Variants in LIN28B observed in about 807,000 individuals in gnomAD.
The protein encoded by LIN28B is lin-28 RNA binding posttranscriptional regulator B.
Under a neutral mutation model 21.9 loss-of-function variants are expected in LIN28B, and 5 were observed. The observed-to-expected ratio is 0.23, with a 90% CI of 0.12 to 0.48. The LOEUF is 0.48. LIN28B is among the 20% of genes least tolerant of loss of function. The pLI, the probability that LIN28B is intolerant of heterozygous loss-of-function variation, is 0.98. For missense variants in LIN28B, 245 were observed against 310.5 expected (o/e 0.79, Z 1.58); for synonymous variants, 109 against 111.3 (o/e 0.98, Z 0.13).
intron 3 of LIN28B, among the ~76,000 whole-genome samples, chr6:105,046,757 C>G (rs1206340990): frequency 1.3e-4 from 20 of 152,200 alleles, no homozygotes; most frequent in Non-Finnish European, 2.9e-4. Flanking sequence ...TTGCATTTCT[C>G]TGATGGCCAG....
At chr6:105,041,859 A>G (rs1771644632) in intron 3 of LIN28B, among the ~76,000 whole-genome samples, 3 of 151,986 alleles carry the variant, frequency 2.0e-5, no homozygotes, top group Non-Finnish European at 1.5e-5. Flanking sequence ...TAATTTTGAT[A>G]TATTGTAAGT....
At chr6:104,996,129 G>GA (rs1770596002) in intron 2 of LIN28B, among the ~76,000 whole-genome samples, 1 of 152,098 alleles carries the variant, frequency 6.6e-6, no homozygotes, top group African/African-American at 2.4e-5. Context: ...TATGGGACTT[G>GA]AGTTTATGTT....
At chr6:105,073,101 T>C (rs940885402) in intron 3 of LIN28B, among the ~76,000 whole-genome samples, 1 of 152,128 alleles carries the variant, frequency 6.6e-6, no homozygotes, top group African/African-American at 2.4e-5. Context: ...TCTAATAACC[T>C]TTCTGCCCAC....
At chr6:104,946,564 G>T (rs1307576099) in intron 2 of LIN28B, among the ~76,000 whole-genome samples, 2 of 152,032 alleles carry the variant, frequency 1.3e-5, no homozygotes, top group African/African-American at 4.8e-5. Context: ...TTTATTTGAT[G>T]TGTGTGTGTG....
intron 1 of LIN28B, among the ~76,000 whole-genome samples, chr6:104,957,486 T>C (rs1050318450): frequency 4.6e-5 from 7 of 151,958 alleles, no homozygotes; most frequent in Admixed American, 1.3e-4. Context: ...TGAAAAGCTT[T>C]CAGGGGGCTA....
intron 2 of LIN28B, among the ~76,000 whole-genome samples, chr6:104,991,839 C>T (rs1389041320): frequency 2.0e-5 from 3 of 152,168 alleles, no homozygotes; most frequent in Admixed American, 6.5e-5. Context: ...AGCGAAACCC[C>T]GTCTCCACCA....
chr6:105,008,230 C>T (rs1480553006), intron 2 of LIN28B, among the ~76,000 whole-genome samples: 2 of 152,102 alleles, frequency 1.3e-5, no homozygotes, highest in East Asian at 1.9e-4. Context: ...AATAAATTAA[C>T]GGAATTATTT....
chr6:104,956,613 A>C (rs1004752693), upstream of LIN28B, among the ~76,000 whole-genome samples: 10 of 152,178 alleles, frequency 6.6e-5, no homozygotes, highest in African/African-American at 2.4e-4. Flanking sequence ...TAGATCTTTT[A>C]TAAATTATAT....
At position 105,078,621 on chromosome 6, in the gene LIN28B, C is replaced by T. The variant is rs141067774; in HGVS notation, c.591C>T (p.Gly197=). 1.2e-4 allele frequency: 199 copies of T among 1,614,054 alleles called. No homozygotes were observed. The African/African-American group carries it at 2.2e-3, about 18-fold the overall frequency. Residue 197 remains glycine (G), a synonymous_variant, in exon 4 of 4, where the codon GGC becomes GGT. Coordinates refer to ENST00000345080, the MANE Select transcript of LIN28B (RefSeq NM_001004317.4). ...CAACTCTCCCTCGAGAAGTGGGAGG[C>T]GGGCATGGCTGTACATCACCACCGT... ...CTSTLPREVG[G]GHGCTSPPFP... is the part of the protein sequence containing the mutation.
intron 2 of LIN28B, among the ~76,000 whole-genome samples, chr6:104,964,029 C>G (rs1342978673): frequency 6.6e-6 from 1 of 152,146 alleles, no homozygotes; most frequent in Non-Finnish European, 1.5e-5. Context: ...GAGTCCTTCA[C>G]TGTAATTTTT....
chr6:105,058,223 A>G (rs1772058509), intron 3 of LIN28B: 6 of 218,620 alleles, frequency 2.7e-5, no homozygotes, highest in African/African-American at 7.1e-5. Flanking sequence ...GCAACACCAT[A>G]TAGCATCTGG....
chr6:104,991,228 G>T (rs898322948), intron 2 of LIN28B, among the ~76,000 whole-genome samples: 1 of 150,686 alleles, frequency 6.6e-6, no homozygotes, highest in African/African-American at 2.4e-5. Context: ...CTGGCCGGGC[G>T]GGGGCTGCCC....
intron 3 of LIN28B, among the ~76,000 whole-genome samples, chr6:104,952,091 A>G (rs1177798045): frequency 1.3e-5 from 2 of 152,186 alleles, no homozygotes; most frequent in East Asian, 3.8e-4. Context: ...TACCTGGGAG[A>G]CAGTCCACAT....
chr6:105,026,604 T>A (rs1771292395), intron 3 of LIN28B, 122 bp downstream of exon 3: 1 of 619,194 alleles, frequency 1.6e-6, no homozygotes, highest in African/African-American at 1.9e-5. Flanking sequence ...ATGTAGAATA[T>A]ATTAAATATC....
intron 2 of LIN28B, among the ~76,000 whole-genome samples, chr6:105,023,567 A>AATATATAATATATTTT (rs1771210563): frequency 3.1e-5 from 1 of 32,232 alleles, no homozygotes; most frequent in African/African-American, 1.7e-4. Flanking sequence ...ATATATATAT[A>AATATATAATATATTTT]ATATATATAA....
At chr6:105,026,260 C>T in intron 2 of LIN28B, 38 bp from the exon 3 acceptor site, 3 of 1,129,164 alleles carry the variant, frequency 2.7e-6, no homozygotes, top group Non-Finnish European at 3.7e-6. Flanking sequence ...TAATTTTAAT[C>T]TCTCTTTTTC....
intron 2 of LIN28B, among the ~76,000 whole-genome samples, chr6:104,991,293 G>C (rs990910214): frequency 6.6e-6 from 1 of 150,588 alleles, no homozygotes; most frequent in Non-Finnish European, 1.5e-5. Context: ...CTCACTTCTC[G>C]GACGGGGCGG....
intron 3 of LIN28B, among the ~76,000 whole-genome samples, chr6:105,070,805 A>T (rs1772319426): frequency 6.6e-6 from 1 of 151,984 alleles, no homozygotes; most frequent in South Asian, 2.1e-4. Flanking sequence ...CTTTCACCGT[A>T]CTATTTTCCC....
intron 2 of LIN28B, among the ~76,000 whole-genome samples, chr6:105,000,437 C>T (rs942280875): frequency 1.2e-4 from 18 of 151,924 alleles, no homozygotes; most frequent in Non-Finnish European, 2.4e-4. Flanking sequence ...GTATTTGTGA[C>T]GATTAGAAAA....
Sources: gnomAD v4.1 joint callset for allele counts (sites outside exome capture counted in the v4.1 genomes callset) on GRCh38, gnomAD v4.1.1 for gene constraint, MANE v1.5 for transcripts, NCBI Gene and HGNC (gene_info 2026-07-23, HGNC 2026-07-21) for gene names.